Variants in CENPO observed in about 807,000 individuals in gnomAD.
CENPO encodes centromeric protein O.
CENPO carries 30 observed loss-of-function variants against 36.1 expected under a neutral mutation model. The ratio of observed to expected loss-of-function variants is 0.83; its 90% CI spans 0.62 to 1.13. The LOEUF is 1.13. CENPO is among the 50% of genes most tolerant of loss of function. The pLI is 0.00. For synonymous variants in CENPO, 171 were observed against 142.3 expected (o/e 1.20, Z -1.44); for missense variants, 349 against 357.8 (o/e 0.98, Z 0.20).
Position 24,819,479 on chromosome 2 carries a change from C to CACCTCACTCGGACCACATGGAG in CENPO, c.*167_*188dup, listed in dbSNP as rs1165153345. The CACCTCACTCGGACCACATGGAG allele has an allele frequency of 7.1e-5, 11 of 154,536 alleles. No homozygotes were observed. The highest frequency in any genetic ancestry group is 2.6e-4 in the African/African-American group (11 of 41,650). 9.6% of individuals were successfully genotyped at this position (154,536 alleles called of 1,614,324 possible). A position where few individuals can be genotyped will look rare whatever the true frequency, so the allele number is the denominator to read the frequency against. On this transcript the variant is annotated 3_prime_UTR_variant, in exon 8 of 8. Coordinates refer to ENST00000380834, the MANE Select transcript of CENPO (RefSeq NM_001322101.2). ...AGGAACACCAGGACGAGGGCCGTCT[C>CACCTCACTCGGACCACATGGAG]ACCTCACTCGGACCACATGGAGACC...
At chr2:24,796,536 G>T (rs1665912284) in intron 2 of CENPO, among the ~76,000 whole-genome samples, 2 of 152,074 alleles carry the variant, frequency 1.3e-5, no homozygotes, top group South Asian at 4.2e-4. Flanking sequence ...ATAGTGGCCG[G>T]GTGCGGTGGC....
At chr2:24,799,515 T>C (rs1046625679) in intron 2 of CENPO, among the ~76,000 whole-genome samples, 160 bp from the exon 3 acceptor site, 2 of 151,428 alleles carry the variant, frequency 1.3e-5, no homozygotes, top group Admixed American at 6.6e-5. Flanking sequence ...AATTGTTAGC[T>C]CCCCTGGTTT....
In CENPO at chr2:24,821,814, C is replaced by G; in HGVS notation, c.*2496C>G. 1 of 927,798 alleles carries G rather than the reference C, an allele frequency of 1.1e-6. No individual in the cohort carries two copies. The highest frequency in any genetic ancestry group is 1.6e-6 in the Non-Finnish European group (1 of 633,660). The allele number at this position is 927,798 out of a possible 1,614,324, so 57.5% of individuals were successfully genotyped here. Reference sequence around the variant, plus strand: ...CGCTAGCTCTGACTTGCCACTGTGACAAAGTTCACGTAGCAGGTCTAGGCA... The same window carrying G: ...CGCTAGCTCTGACTTGCCACTGTGAGAAAGTTCACGTAGCAGGTCTAGGCA... On this transcript the variant is annotated 3_prime_UTR_variant, in exon 8 of 8. Coordinates refer to ENST00000380834, the MANE Select transcript of CENPO (RefSeq NM_001322101.2).
chr2:24,818,802 C>T (rs1210844904), intron 7 of CENPO, among the ~76,000 whole-genome samples: 1 of 152,214 alleles, frequency 6.6e-6, no homozygotes, highest in African/African-American at 2.4e-5. Context: ...GGGTCACTCA[C>T]AGATATGAAA....
chr2:24,814,647 C>G (rs1666858508), intron 4 of CENPO, 154 bp downstream of exon 4: 2 of 620,532 alleles, frequency 3.2e-6, no homozygotes. Context: ...CACAGACACA[C>G]ACACAGCTGA....
At position 24,817,800 on chromosome 2, in the gene CENPO, C is replaced by A. The variant is rs145036272; in HGVS notation, c.897C>A (p.Val299=). ...GAGAAAAGTTGGATATGAGTCTGGT[C>A]TCCTAATAGATTGTTTTCACTGCAC... ...RKGEKLDMSL[V]S Residue 299 remains valine, a synonymous_variant, in exon 7 of 8, where the codon GTC becomes GTA. Transcript: ENST00000380834. 1 of 1,614,122 alleles carries A rather than the reference C, an allele frequency of 6.2e-7. No individual in the cohort carries two copies. The highest frequency in any genetic ancestry group is 8.5e-7 in the Non-Finnish European group (1 of 1,180,020).
rs1235670762 is a variant in CENPO at position 24,819,771 on chromosome 2, C to A, written c.*453C>A. On this transcript the variant is annotated 3_prime_UTR_variant, in exon 8 of 8. Coordinates refer to ENST00000380834, the MANE Select transcript of CENPO (RefSeq NM_001322101.2). The stretch of plus-strand genomic sequence containing the variant: ...CAGGCACACACAGGAATAGCAGGGC[C>A]ACCCTCAGAGCTCACACATCCACGA... 7 of 738,860 alleles carry A rather than the reference C, an allele frequency of 9.5e-6. No homozygotes were observed. The highest frequency in any genetic ancestry group is 1.3e-5 in the Non-Finnish European group (6 of 453,370). The allele number at this position is 738,860 out of a possible 1,614,324, so 45.8% of individuals were successfully genotyped here. A position where few individuals can be genotyped will look rare whatever the true frequency, so the allele number is the denominator to read the frequency against.
chr2:24,795,860 C>T (rs1665877190), intron 2 of CENPO, among the ~76,000 whole-genome samples: 1 of 152,166 alleles, frequency 6.6e-6, no homozygotes, highest in Non-Finnish European at 1.5e-5. Flanking sequence ...ATAGTAAATT[C>T]TCAATGCATA....
intron 2 of CENPO, among the ~76,000 whole-genome samples, chr2:24,796,771 T>G (rs1449289070): frequency 6.6e-6 from 1 of 152,156 alleles, no homozygotes; most frequent in East Asian, 1.9e-4. Flanking sequence ...AAATGCTGCT[T>G]GCATTGAGTG....
In CENPO at chr2:24,793,775, T is replaced by A. The variant is rs1011551943; in HGVS notation, c.-68-77T>A. The A allele has an allele frequency of 3.5e-5, 40 of 1,152,978 alleles. No homozygotes were observed. The Admixed American group carries it at 6.6e-4, about 19-fold the overall frequency. 71.4% of individuals were successfully genotyped at this position (1,152,978 alleles called of 1,614,324 possible). ...TCATCCGCGGCCCAGGGGTTGTGCC[T>A]GAGTGGTGTGTGCCCTGCCGTCTGG... On this transcript the variant is annotated intron_variant, in intron 1 of 7. Coordinates refer to ENST00000380834, the MANE Select transcript of CENPO (RefSeq NM_001322101.2).
chr2:24,814,164 A>C (rs1666831024), intron 3 of CENPO, among the ~76,000 whole-genome samples: 1 of 152,114 alleles, frequency 6.6e-6, no homozygotes, highest in Non-Finnish European at 1.5e-5. Flanking sequence ...TGTTCTTCAG[A>C]CCTGTACAGT....
intron 2 of CENPO, among the ~76,000 whole-genome samples, chr2:24,798,282 TA>T (rs1406516916): frequency 9.5e-6 from 1 of 105,256 alleles, no homozygotes; most frequent in African/African-American, 2.7e-5. Flanking sequence ...TGTGTATATA[TA>T]TATATATATA....
chr2:24,794,096 T>C (rs1183619412), intron 2 of CENPO, 131 bp downstream of exon 2: 2 of 759,460 alleles, frequency 2.6e-6, no homozygotes, highest in Non-Finnish European at 4.7e-6. Flanking sequence ...GGAACTAACA[T>C]TGAAGACAAA....
At chr2:24,815,797 A>G (rs1477225320) in intron 5 of CENPO, 41 bp downstream of exon 5, 3 of 1,595,152 alleles carry the variant, frequency 1.9e-6, no homozygotes, top group African/African-American at 2.7e-5. Context: ...CGTGGGCCCA[A>G]GATCAACTTA....
At chr2:24,794,977 T>C (rs971220783) in intron 2 of CENPO, among the ~76,000 whole-genome samples, 7 of 152,226 alleles carry the variant, frequency 4.6e-5, no homozygotes, top group Non-Finnish European at 2.9e-5. Context: ...AACAGAGAAG[T>C]AACTATATTC....
At chr2:24,796,251 G>A (rs1326376699) in intron 2 of CENPO, among the ~76,000 whole-genome samples, 1 of 152,142 alleles carries the variant, frequency 6.6e-6, no homozygotes, top group Non-Finnish European at 1.5e-5. Flanking sequence ...CTAATTGGGA[G>A]GCTGAAGCAG....
rs70947848 is a variant in CENPO, at chr2:24,811,282, C to CTTTTTTTTTTTT, written c.217-3088_217-3077dup. 5.5e-4 allele frequency among the ~76,000 whole-genome samples: 58 copies of CTTTTTTTTTTTT among 105,540 alleles called. 6 individuals carry two copies. The highest frequency in any genetic ancestry group is 2.1e-3 in the East Asian group (6 of 2,886). The allele number at this position is 105,540 out of a possible 152,430, so 69.2% of individuals were successfully genotyped here. On this transcript the variant is annotated intron_variant, in intron 3 of 7. Coordinates refer to ENST00000380834, the MANE Select transcript of CENPO (RefSeq NM_001322101.2). ...TTAATTGGAGTATTTAGTCCATGAA[C>CTTTTTTTTTTTT]TTTTTTTTTTTTTTTTTGAGACGGA...
chr2:24,815,193 G>A (rs552035701), intron 4 of CENPO, among the ~76,000 whole-genome samples: 6 of 150,154 alleles, frequency 4.0e-5, no homozygotes, highest in African/African-American at 1.2e-4. Flanking sequence ...AGCTGAGATC[G>A]TGCCACCGCA....
At chr2:24,812,596 T>C (rs192854314) in intron 3 of CENPO, among the ~76,000 whole-genome samples, 2 of 152,292 alleles carry the variant, frequency 1.3e-5, no homozygotes, top group Admixed American at 6.5e-5. Context: ...TATTTTTTTC[T>C]CTGTACTTTA....
Sources: allele counts gnomAD v4.1 joint callset (sites outside exome capture counted in the v4.1 genomes callset), GRCh38; gene constraint gnomAD v4.1.1; transcripts MANE v1.5; gene names NCBI Gene and HGNC (gene_info 2026-07-23, HGNC 2026-07-21).